Variants in TENM2 observed in about 807,000 individuals in gnomAD.
TENM2 encodes teneurin-2.
In TENM2, 52 loss-of-function variants were observed where a neutral mutation model predicts 245.2. The ratio of observed to expected loss-of-function variants is 0.21; its 90% CI spans 0.17 to 0.27. The LOEUF (loss-of-function observed/expected upper bound fraction) is 0.27. TENM2 is among the 10% of genes least tolerant of loss of function. The pLI is 1.00. For missense variants in TENM2, 3,046 were observed against 3,666.8 expected (o/e 0.83, Z 4.37); for synonymous variants, 1,363 against 1,438.9 (o/e 0.95, Z 1.19).
the TENM2 span, among the ~76,000 whole-genome samples, chr5:167,050,565 A>G: frequency 6.6e-6 from 1 of 152,210 alleles, no homozygotes; most frequent in African/African-American, 2.4e-5. Flanking sequence ...GAGCTTAAGC[A>G]TAAGATTGAG....
At chr5:167,480,060 A>G (rs1276368329) in intron 2 of TENM2, among the ~76,000 whole-genome samples, 1 of 152,226 alleles carries the variant, frequency 6.6e-6, no homozygotes, top group African/African-American at 2.4e-5. Flanking sequence ...AACTGTTTAC[A>G]GTTTTAAAAA....
chr5:167,872,338 GAAAGAAAGAAA>G (rs1772930196), intron 2 of TENM2, among the ~76,000 whole-genome samples: 1 of 65,650 alleles, frequency 1.5e-5, no homozygotes, highest in African/African-American at 4.7e-5. Flanking sequence ...AAGAAAGAAA[GAAAGAAAGAAA>G]GAAAGGAAAG....
intron 2 of TENM2, among the ~76,000 whole-genome samples, chr5:167,618,673 G>A (rs909241462): frequency 6.6e-6 from 1 of 152,078 alleles, no homozygotes; most frequent in Admixed American, 6.6e-5. Flanking sequence ...TGTTTGGGGA[G>A]ATGAAGCTGG....
Position 167,938,358 on chromosome 5 carries a change from C to T in TENM2, c.713-14230C>T, listed in dbSNP as rs1166244485. ...GGAAAGGCGTTGATGTAGAGTTTAACAATATGCCTCTGTGAAACACTTTCA... is the reference window on the plus strand; with the variant it reads ...GGAAAGGCGTTGATGTAGAGTTTAATAATATGCCTCTGTGAAACACTTTCA... On this transcript the variant is annotated intron_variant, in intron 3 of 28. Coordinates refer to ENST00000518659, the Ensembl canonical transcript of TENM2. 5.9e-5 allele frequency among the ~76,000 whole-genome samples: 9 copies of T among 152,160 alleles called. No homozygotes were observed. In the East Asian group the frequency reaches 1.5e-3, roughly 26 times the overall value.
At chr5:167,647,814 G>A (rs756848692) in intron 2 of TENM2, among the ~76,000 whole-genome samples, 5 of 152,100 alleles carry the variant, frequency 3.3e-5, no homozygotes, top group Admixed American at 6.6e-5. Flanking sequence ...GATAGTTTGA[G>A]CTCAAGACAC....
At chr5:167,181,730 G>A in the TENM2 span, among the ~76,000 whole-genome samples, 5 of 152,080 alleles carry the variant, frequency 3.3e-5, no homozygotes, top group Admixed American at 3.3e-4. Context: ...TAAAAATTGT[G>A]AAGTACGTTG....
At chr5:168,248,076 C>T in exon 27 of TENM2, 2 of 1,613,964 alleles carry the variant, frequency 1.2e-6, no homozygotes, top group Non-Finnish European at 1.7e-6. Flanking sequence ...TGGCTGTGTT[C>T]AGCATCAACG....
At chr5:167,138,708 C>T in the TENM2 span, among the ~76,000 whole-genome samples, 5 of 152,254 alleles carry the variant, frequency 3.3e-5, no homozygotes, top group East Asian at 3.9e-4. Context: ...CTGCAACCTC[C>T]GCCTCCTGGG....
At chr5:167,832,690 AAGG>A (rs2151100256) in intron 2 of TENM2, among the ~76,000 whole-genome samples, 1 of 152,188 alleles carries the variant, frequency 6.6e-6, no homozygotes, top group East Asian at 1.9e-4. Context: ...GAGGAAATAA[AAGG>A]AGAGAGAGGG....
intron 4 of TENM2, among the ~76,000 whole-genome samples, chr5:167,959,152 C>T (rs538732808): frequency 4.8e-4 from 73 of 151,584 alleles, no homozygotes; most frequent in African/African-American, 1.6e-3. Flanking sequence ...CACATAGTCC[C>T]ATATTTCTTG....
At chr5:167,055,282 A>T in the TENM2 span, among the ~76,000 whole-genome samples, 2 of 152,124 alleles carry the variant, frequency 1.3e-5, no homozygotes, top group Admixed American at 1.3e-4. Context: ...TAATTTTTTG[A>T]AAAGACTATC....
intron 2 of TENM2, among the ~76,000 whole-genome samples, chr5:167,753,356 T>C (rs1762083014): frequency 6.6e-6 from 1 of 152,194 alleles, no homozygotes; most frequent in South Asian, 2.1e-4. Context: ...TATTTCCTAA[T>C]AGACCTGGGG....
At position 167,628,018 on chromosome 5, in the gene TENM2, A is replaced by C. The variant is rs575632571; in HGVS notation, c.503-247968A>C. Among the ~76,000 whole-genome samples the C allele has an allele frequency of 7.9e-5, 12 of 152,362 alleles. No homozygotes were observed. The South Asian group carries it at 2.3e-3, about 29-fold the overall frequency. On this transcript the variant is annotated intron_variant, in intron 2 of 28. Transcript: ENST00000518659. The stretch of plus-strand genomic sequence containing the variant: ...GTAAAGAACTTTACGGTAGAACGGC[A>C]GTGTCTTTCCGGATTATGCTTCACA...
At chr5:168,193,135 A>G (rs1279849760) in intron 14 of TENM2, among the ~76,000 whole-genome samples, 1 of 152,220 alleles carries the variant, frequency 6.6e-6, no homozygotes, top group Admixed American at 6.5e-5. Context: ...TTAAATGTAA[A>G]CAATAAATGG....
the TENM2 span, among the ~76,000 whole-genome samples, chr5:167,069,353 A>T: frequency 6.6e-6 from 1 of 152,184 alleles, no homozygotes; most frequent in African/African-American, 2.4e-5. Flanking sequence ...TTAACGGTAG[A>T]AAAGTTCATC....
At chr5:167,537,250 C>CAAAAAAAAAAA (rs386405596) in intron 2 of TENM2, among the ~76,000 whole-genome samples, 3 of 108,728 alleles carry the variant, frequency 2.8e-5, no homozygotes, top group Non-Finnish European at 5.3e-5. Context: ...CCATCTCTAC[C>CAAAAAAAAAAA]AAAAAAAAAA....
chr5:167,493,430 G>T (rs1203260129), intron 2 of TENM2, among the ~76,000 whole-genome samples: 1 of 152,090 alleles, frequency 6.6e-6, no homozygotes, highest in Non-Finnish European at 1.5e-5. Context: ...TTATGCAAAT[G>T]ACTAAATTTC....
At chr5:167,264,184 A>G in the TENM2 span, among the ~76,000 whole-genome samples, 2 of 151,406 alleles carry the variant, frequency 1.3e-5, no homozygotes, top group African/African-American at 4.8e-5. Context: ...GGTTGACTTT[A>G]CTAAGGAATT....
exon 29 of TENM2, chr5:168,262,303 G>A (rs750589324): frequency 3.1e-6 from 5 of 1,610,474 alleles, no homozygotes; most frequent in Middle Eastern, 3.3e-4. Flanking sequence ...CCTACTACCT[G>A]GACAAGATGC....
Sources: gnomAD v4.1 joint callset for allele counts (sites outside exome capture counted in the v4.1 genomes callset) on GRCh38, gnomAD v4.1.1 for gene constraint, MANE v1.5 for transcripts, NCBI Gene and HGNC (gene_info 2026-07-23, HGNC 2026-07-21) for gene names.